NLGN1: variants seen among roughly 807,000 people sequenced by gnomAD.
The protein encoded by NLGN1 is neuroligin 1, also known as neuroligin-1.
Under a neutral mutation model 65.5 loss-of-function variants are expected in NLGN1, and 12 were observed. The observed-to-expected ratio is 0.18, with a 90% confidence interval of 0.12 to 0.30. The LOEUF (loss-of-function observed/expected upper bound fraction) is 0.30, where lower values mean the gene tolerates loss of function less well. Among genes scored for constraint, NLGN1 ranks in the 10% least tolerant of loss-of-function variants. The pLI, the probability that NLGN1 is intolerant of heterozygous loss-of-function variation, is 1.00. For synonymous variants in NLGN1, 350 were observed against 359.5 expected (o/e 0.97, Z 0.30); for missense variants, 750 against 1,007.1 (o/e 0.74, Z 3.46).
intron 4 of NLGN1, among the ~76,000 whole-genome samples, chr3:173,881,801 C>CT (rs1578965509): frequency 6.6e-6 from 1 of 152,136 alleles, no homozygotes; most frequent in Admixed American, 6.5e-5. Flanking sequence ...TTGGAATCAA[C>CT]TTTTTCTGCA....
chr3:173,656,972 C>G (rs1415523148), intron 3 of NLGN1, among the ~76,000 whole-genome samples: 4 of 151,878 alleles, frequency 2.6e-5, no homozygotes, highest in Admixed American at 2.6e-4. Context: ...GTCTTACCTA[C>G]CAGAAAGGAT....
intron 4 of NLGN1, among the ~76,000 whole-genome samples, chr3:173,903,481 T>C (rs1478981287): frequency 6.6e-6 from 1 of 152,196 alleles, no homozygotes; most frequent in East Asian, 1.9e-4. Context: ...AATATATTTA[T>C]GTAAAACATA....
intron 4 of NLGN1, among the ~76,000 whole-genome samples, chr3:173,980,557 T>C (rs1227693400): frequency 2.2e-4 from 34 of 152,132 alleles, no homozygotes; most frequent in Admixed American, 2.2e-3. Context: ...AATATAGTTC[T>C]TTCTTGTTGG....
chr3:173,723,776 A>G (rs763052676), intron 3 of NLGN1, among the ~76,000 whole-genome samples: 1 of 152,206 alleles, frequency 6.6e-6, no homozygotes, highest in African/African-American at 2.4e-5. Flanking sequence ...TTTTACTGCC[A>G]TGAAAAGAAT....
rs144221266 is a variant in NLGN1 at position 173,758,329 on chromosome 3, C to A, written c.494-49351C>A. ...CCTATGGTATTTTGTTATGAGAGCC[C>A]TAGCAAACTGAGACAATGGACATAT... On this transcript the variant is annotated intron_variant, in intron 3 of 6. Transcript: ENST00000457714. Among the ~76,000 whole-genome samples the A allele has an allele frequency of 5.4e-3, 825 of 151,980 alleles. 27 individuals are homozygous for A. Among genetic ancestry groups the A allele is most frequent in the East Asian group, 0.019 (97 of 5,164 alleles).
chr3:174,141,892 AT>A (rs1722352901), intron 4 of NLGN1, among the ~76,000 whole-genome samples: 1 of 152,220 alleles, frequency 6.6e-6, no homozygotes, highest in Admixed American at 6.5e-5. Flanking sequence ...CACATGAAAA[AT>A]GTTATTATTT....
In NLGN1 at chr3:174,037,289, G is replaced by A. The variant is rs146149057; in HGVS notation, c.646+229457G>A. Among the ~76,000 whole-genome samples, 27 of 152,088 alleles carry A rather than the reference G, an allele frequency of 1.8e-4. No individual in the cohort carries two copies. In the East Asian group the frequency reaches 4.1e-3, roughly 23 times the overall value. ...TTATTTTTTGACTTTTTAAGGAAAG[G>A]GGTTTTAACCTATAACTCACATTGT... On this transcript the variant is annotated intron_variant, in intron 4 of 6. Coordinates refer to ENST00000457714, the Ensembl canonical transcript of NLGN1.
At chr3:173,635,350 T>C (rs1339743274) in intron 3 of NLGN1, among the ~76,000 whole-genome samples, 1 of 152,170 alleles carries the variant, frequency 6.6e-6, no homozygotes, top group Non-Finnish European at 1.5e-5. Context: ...GGAGCTCCTG[T>C]TTGCTGCATT....
intron 4 of NLGN1, among the ~76,000 whole-genome samples, chr3:174,033,983 A>C (rs772947166): frequency 6.6e-6 from 1 of 152,088 alleles, no homozygotes; most frequent in Non-Finnish European, 1.5e-5. Flanking sequence ...ATAGGTACAA[A>C]TAACTAACTA....
intron 4 of NLGN1, among the ~76,000 whole-genome samples, chr3:173,859,631 A>G (rs1191731400): frequency 6.6e-6 from 1 of 152,170 alleles, no homozygotes; most frequent in Non-Finnish European, 1.5e-5. Context: ...TCAGTTAATT[A>G]AAACAGTGTT....
chr3:173,415,466 A>G (rs1713483453), intron 1 of NLGN1, among the ~76,000 whole-genome samples: 1 of 152,222 alleles, frequency 6.6e-6, no homozygotes, highest in South Asian at 2.1e-4. Flanking sequence ...GATGCTATGC[A>G]TAGTACACTG....
chr3:173,433,345 T>C (rs73883139), intron 1 of NLGN1, among the ~76,000 whole-genome samples: 4,372 of 152,216 alleles, frequency 0.029, 208 homozygotes, highest in African/African-American at 0.1. Context: ...CCCCTGTCTC[T>C]CCACAGTGTT....
chr3:173,734,338 T>C (rs1014595136), intron 3 of NLGN1, among the ~76,000 whole-genome samples: 4 of 150,892 alleles, frequency 2.7e-5, no homozygotes, highest in African/African-American at 9.7e-5. Flanking sequence ...GTTTTCAGTC[T>C]ATTGAGAATT....
chr3:173,949,775 C>T (rs1303792373), intron 4 of NLGN1, among the ~76,000 whole-genome samples: 2 of 152,128 alleles, frequency 1.3e-5, no homozygotes, highest in Admixed American at 1.3e-4. Flanking sequence ...CGTGAGTTTA[C>T]CAGTGTTGCT....
intron 4 of NLGN1, among the ~76,000 whole-genome samples, chr3:173,969,021 A>G (rs761813499): frequency 6.6e-6 from 1 of 151,716 alleles, no homozygotes; most frequent in Non-Finnish European, 1.5e-5. Context: ...CTTTAACATT[A>G]CCAGATTGTT....
chr3:173,420,634 GATCCCTGAGGAA>G (rs1319028342), intron 1 of NLGN1, among the ~76,000 whole-genome samples: 6 of 152,100 alleles, frequency 3.9e-5, no homozygotes, highest in Non-Finnish European at 8.8e-5. Context: ...TCTAGTTCTA[GATCCCTGAGGAA>G]TTGCCACACC....
intron 3 of NLGN1, among the ~76,000 whole-genome samples, chr3:173,636,373 C>T (rs1756599238): frequency 6.6e-6 from 1 of 152,114 alleles, no homozygotes; most frequent in Admixed American, 6.6e-5. Flanking sequence ...GGTTCTATTC[C>T]TTCAAGGAAA....
chr3:173,936,383 G>A (rs568533779), intron 4 of NLGN1, among the ~76,000 whole-genome samples: 59 of 151,952 alleles, frequency 3.9e-4, no homozygotes, highest in Admixed American at 3.3e-3. Flanking sequence ...CTTACACCAC[G>A]GGTTTAGAAA....
intron 4 of NLGN1, among the ~76,000 whole-genome samples, chr3:174,258,519 A>T (rs964751434): frequency 1.9e-4 from 29 of 152,166 alleles, no homozygotes; most frequent in Non-Finnish European, 1.8e-4. Context: ...GAAAATAGTA[A>T]CTTTCTAATG....
Sources: allele counts gnomAD v4.1 joint callset (sites outside exome capture counted in the v4.1 genomes callset), GRCh38; gene constraint gnomAD v4.1.1; transcripts MANE v1.5; gene names NCBI Gene and HGNC (gene_info 2026-07-23, HGNC 2026-07-21).